Variants in APC observed in about 807,000 individuals in gnomAD.
APC encodes the protein adenomatous polyposis coli protein.
APC carries 72 observed loss-of-function variants against 247.0 expected under a neutral mutation model. That is an observed-to-expected ratio of 0.29 (90% CI 0.24 to 0.35). APC has a LOEUF of 0.35. Among genes scored for constraint, APC ranks in the 10% least tolerant of loss-of-function variants. The probability of loss-of-function intolerance (pLI) is 1.00; values close to 1 mark genes in which losing one functional copy is unlikely to be tolerated. For synonymous variants in APC, 1,254 were observed against 1,162.5 expected, an observed-to-expected ratio of 1.08 and a Z score of -1.60; for missense variants, 3,400 against 3,360.7, an observed-to-expected ratio of 1.01 and a Z score of -0.29.
At position 112,842,412 on chromosome 5, in the gene APC, G is replaced by C. The variant is rs587781364; in HGVS notation, c.6818G>C (p.Gly2273Ala). ...EGQTATTSPRGAKPSVKSELS... is the reference protein window; with the variant it reads ...EGQTATTSPRAAKPSVKSELS... ...CAAACAGCCACCACTTCTCCTAGAG[G>C]AGCCAAGCCATCTGTGAAATCAGAA... Residue 2273 changes from glycine to alanine, a missense_variant, in exon 16 of 16, where the codon GGA becomes GCA. Gly to Ala is a moderately conservative substitution (Grantham distance 60). Transcript: ENST00000257430. The C allele has an allele frequency of 6.2e-7, 1 of 1,614,030 alleles. No individual in the cohort carries two copies. The highest frequency in any genetic ancestry group is 8.5e-7 in the Non-Finnish European group (1 of 1,179,964).
chr5:112,836,795 C>T (rs1302622039), intron 15 of APC, among the ~76,000 whole-genome samples: 2 of 150,430 alleles, frequency 1.3e-5, no homozygotes, highest in East Asian at 3.9e-4. Context: ...CAACCTCTGC[C>T]TCCCAAGTGA....
rs571852663 is a variant in APC, at chr5:112,737,885, A to G, written c.-59A>G. On this transcript the variant is annotated 5_prime_UTR_variant, in exon 1 of 16. Coordinates refer to ENST00000257430, the MANE Select transcript of APC (RefSeq NM_000038.6). ...TATTGGTGCAGCCCGCCAGGGTGTC[A>G]CTGGAGACAGAATGGAGGTGCTGCC... 3 of 985,602 alleles carry G rather than the reference A, an allele frequency of 3.0e-6. No homozygotes were observed. Among genetic ancestry groups the G allele is most frequent in the South Asian group, 4.7e-5 (1 of 21,292 alleles). 61.1% of individuals were successfully genotyped at this position (985,602 alleles called of 1,614,324 possible). A position where few individuals can be genotyped will look rare whatever the true frequency, so the allele number is the denominator to read the frequency against.
rs544460065 is a variant in APC at position 112,766,262 on chromosome 5, A to G, written c.136-64A>G. On this transcript the variant is annotated intron_variant, in intron 2 of 15. Transcript: ENST00000257430. ...TCTCAGCATACTTAAATGTCAAGAA[A>G]TACAGAATCATGTCTTGAAGTTATT... The G allele has an allele frequency of 1.4e-4, 177 of 1,220,758 alleles. No individual in the cohort carries two copies. In the African/African-American group the frequency reaches 2.0e-3, roughly 13 times the overall value. The allele number at this position is 1,220,758 out of a possible 1,614,324, so 75.6% of individuals were successfully genotyped here.
chr5:112,839,309 A>G lies in APC; in HGVS notation c.3715A>G (p.Arg1239Gly), dbSNP rs781075182. 7 of 1,613,872 alleles carry G rather than the reference A, an allele frequency of 4.3e-6. No individual in the cohort carries two copies. In the South Asian group the frequency reaches 5.5e-5, roughly 13 times the overall value. Reference sequence around the variant, plus strand: ...GCTCCATCCAAGTTCTGCACAGAGTAGAAGTGGTCAGCCTCAAAAGGCTGC... The same window carrying G: ...GCTCCATCCAAGTTCTGCACAGAGTGGAAGTGGTCAGCCTCAAAAGGCTGC... ...NQLHPSSAQSRSGQPQKAATC... is the reference protein window; with the variant it reads ...NQLHPSSAQSGSGQPQKAATC... The change falls in exon 16 of 16, where the codon AGA becomes GGA. Residue 1239 changes from arginine (R) to glycine (G), a missense_variant. Arg to Gly is a moderately radical substitution (Grantham distance 125). Around this residue, in one of 9 missense-constraint regions of APC, gnomAD observed 715 missense variants for 656.6 expected, o/e 1.09. Transcript: ENST00000257430. The surrounding 1 kb of genome is among the most constrained non-coding windows in gnomAD (Gnocchi z 5.0).
rs200371555 is a variant in APC, at chr5:112,838,902, G to A, written c.3308G>A (p.Arg1103Lys). The change falls in exon 16 of 16, where the codon AGG (arginine) becomes AAG (lysine). Residue 1103 changes from arginine (R) to lysine (K), a missense_variant. This residue lies in a region of APC where 715 missense variants were observed against 656.6 expected (regional missense o/e 1.09). Transcript: ENST00000257430. ...CAGCAGGAATGTGTTTCTCCATACA[G>A]GTCACGGGGAGCCAATGGTTCAGAA... is the stretch of plus-strand genomic sequence containing the variant. ...FGQQECVSPY[R>K]SRGANGSETN... is the part of the protein sequence containing the mutation. 6.2e-6 allele frequency: 10 copies of A among 1,614,144 alleles called. No homozygotes were observed. Among genetic ancestry groups the A allele is most frequent in the South Asian group, 2.2e-5 (2 of 91,084 alleles).
In APC at chr5:112,840,984, A is replaced by C. The variant is rs1278802463; in HGVS notation, c.5390A>C (p.Asn1797Thr). The C allele has an allele frequency of 6.2e-7, 1 of 1,612,544 alleles. No individual in the cohort carries two copies. The highest frequency in any genetic ancestry group is 8.5e-7 in the Non-Finnish European group (1 of 1,178,978). The change falls in exon 16 of 16, where the codon AAT becomes ACT. Residue 1797 changes from asparagine to threonine, a missense_variant. Physicochemically the swap from Asn to Thr is moderately conservative, Grantham distance 65 (BLOSUM62 0). This residue lies in a region of APC where 1,788 missense variants were observed against 1,649.5 expected (regional missense o/e 1.08). Transcript: ENST00000257430. This position sits in a 1 kb window ranked among gnomAD's most constrained non-coding sequence, Gnocchi z 4.1. ...TRVRKNADSK[N>T]NLNAERVFSD... Reference sequence around the variant, plus strand: ...GTAAGAAAAAATGCAGACTCAAAAAATAATTTAAATGCTGAGAGAGTTTTC... The same window carrying C: ...GTAAGAAAAAATGCAGACTCAAAAACTAATTTAAATGCTGAGAGAGTTTTC...
chr5:112,722,660 A>G (rs1751548834), intron 1 of APC, among the ~76,000 whole-genome samples: 1 of 151,938 alleles, frequency 6.6e-6, no homozygotes, highest in African/African-American at 2.4e-5. Context: ...TTGCTGGAGC[A>G]CCTCACAGAA....
At position 112,728,838 on chromosome 5, in the gene APC, AATATCTGTGGATCTTGTTCTAATTAT is replaced by A. The variant is rs1581042209; in HGVS notation, c.165+20962_165+20987del. ...AGCCAGAACTAGAAACTGGTCCTGT[AATATCTGTGGATCTTGTTCTAATTAT>A]ATATCCCTTTTTATTTGAAATACTT... On this transcript the variant is annotated intron_variant, in intron 1 of 13. Coordinates refer to the APC transcript ENST00000507379. Among the ~76,000 whole-genome samples the A allele has an allele frequency of 2.0e-5, 3 of 152,300 alleles. No individual in the cohort carries two copies. The East Asian group carries it at 5.8e-4, about 29-fold the overall frequency.
chr5:112,836,166 C>T (rs200528123), intron 15 of APC, among the ~76,000 whole-genome samples: 772 of 5,592 alleles, frequency 0.14, 39 homozygotes, highest in Non-Finnish European at 0.26. Context: ...GATTACAGGT[C>T]CCCCCCCCCC....
chr5:112,721,282 C>T (rs1171140302), intron 1 of APC, among the ~76,000 whole-genome samples: 1 of 151,968 alleles, frequency 6.6e-6, no homozygotes, highest in African/African-American at 2.4e-5. Context: ...GGCATGGTGG[C>T]GTGTGCCTGT....
chr5:112,766,246 A>T, intron 2 of APC, 80 bp from the exon 3 acceptor site: 1 of 1,032,486 alleles, frequency 9.7e-7, no homozygotes, highest in Non-Finnish European at 1.5e-6. Context: ...TTCTCAGCAT[A>T]CTTAAATGTC....
Position 112,707,566 on chromosome 5 carries a change from C to T in APC, c.-152C>T, listed in dbSNP as rs138386816. 8.1e-3 allele frequency: 6,175 copies of T among 758,894 alleles called. 36 individuals are homozygous for T. The highest frequency in any genetic ancestry group is 9.6e-3 in the Non-Finnish European group (4,926 of 512,702). 47.0% of individuals were successfully genotyped at this position (758,894 alleles called of 1,614,324 possible). On this transcript the variant is annotated 5_prime_UTR_variant, in exon 1 of 14. Transcript: ENST00000507379. ...TAGCAAGGGGGCGGGGTGTGGCCGC[C>T]GGAAGCCTAGCCGCTGCTCGGGGGG...
At chr5:112,777,822 G>A (rs1309668526) in intron 5 of APC, 4 of 251,766 alleles carry the variant, frequency 1.6e-5, no homozygotes, top group Admixed American at 8.2e-5. Context: ...TACTCCTTCA[G>A]GATCAAGACA....
intron 8 of APC, among the ~76,000 whole-genome samples, chr5:112,807,199 G>A (rs559102908): frequency 6.6e-6 from 1 of 151,266 alleles, no homozygotes; most frequent in South Asian, 2.1e-4. Context: ...ACCATGCCCA[G>A]CCTGTGGAAA....
At chr5:112,713,433 C>T (rs1750976510) in intron 1 of APC, among the ~76,000 whole-genome samples, 3 of 152,132 alleles carry the variant, frequency 2.0e-5, no homozygotes, top group African/African-American at 7.2e-5. Context: ...TCACAGAAGC[C>T]CTCTTTCCGA....
rs1554086296 is a variant in APC at position 112,840,502 on chromosome 5, T to C, written c.4908T>C (p.Asp1636=). The C allele has an allele frequency of 6.2e-7, 1 of 1,614,144 alleles. No individual in the cohort carries two copies. Residue 1636 remains aspartate, a synonymous_variant, in exon 16 of 16, where the codon GAT becomes GAC. Coordinates refer to ENST00000257430, the MANE Select transcript of APC (RefSeq NM_000038.6). The surrounding 1 kb of genome is among the most constrained non-coding windows in gnomAD (Gnocchi z 4.1). ...AGCATGTTAGTTTTACACCGGGGGA[T>C]GATATGCCACGGGTGTATTGTGTTG... The part of the protein sequence containing the change: ...PQKHVSFTPG[D]DMPRVYCVEG...
rs876658164 is a variant in APC at position 112,841,170 on chromosome 5, A to G, written c.5576A>G (p.Asn1859Ser). 3.7e-6 allele frequency: 6 copies of G among 1,613,850 alleles called. 1 individual carries two copies. Among genetic ancestry groups the G allele is most frequent in the East Asian group, 2.2e-5 (1 of 44,880 alleles). The change falls in exon 16 of 16, where the codon AAT (asparagine) becomes AGT (serine). Residue 1859 changes from asparagine (N) to serine (S), a missense_variant. Around this residue, in one of 9 missense-constraint regions of APC, gnomAD observed 1,788 missense variants for 1,649.5 expected, o/e 1.08. Transcript: ENST00000257430. This position sits in a 1 kb window ranked among gnomAD's most constrained non-coding sequence, Gnocchi z 4.6. ...IEGTPYCFSR[N>S]DSLSSLDFDD... ...GGAACTCCTTACTGTTTTTCACGAA[A>G]TGATTCTTTGAGTTCTCTAGATTTT... is the stretch of plus-strand genomic sequence containing the variant.
chr5:112,723,072 A>G (rs1475316269), intron 1 of APC, among the ~76,000 whole-genome samples: 3 of 152,080 alleles, frequency 2.0e-5, no homozygotes, highest in Non-Finnish European at 4.4e-5. Flanking sequence ...TGCCTTGGGT[A>G]GGTAAAAGGA....
intron 1 of APC, among the ~76,000 whole-genome samples, chr5:112,742,938 G>T (rs1753211136): frequency 6.6e-6 from 1 of 152,192 alleles, no homozygotes; most frequent in Non-Finnish European, 1.5e-5. Context: ...TCCTATTGCT[G>T]TTGTAACAAA....
Sources: gnomAD v4.1 joint callset for allele counts (sites outside exome capture counted in the v4.1 genomes callset) on GRCh38, gnomAD v4.1.1 for gene constraint, gnomAD v4.1.1 regional missense constraint, Gnocchi (gnomAD v3.1) non-coding constraint, MANE v1.5 for transcripts, NCBI Gene and HGNC (gene_info 2026-07-23, HGNC 2026-07-21) for gene names.